The following ZC3HC1 variants were observed in gnomAD, a reference collection of about 807,000 sequenced individuals.
ZC3HC1 encodes the protein zinc finger C3HC-type protein 1.
A neutral mutation model predicts 61.9 loss-of-function variants in ZC3HC1; 38 were observed. That is an observed-to-expected ratio of 0.61 (90% CI 0.47 to 0.81). The LOEUF is 0.81. Ranked by LOEUF, ZC3HC1 falls within the 30% of genes least tolerant of loss-of-function variation. The pLI, the probability that ZC3HC1 is intolerant of heterozygous loss-of-function variation, is 0.00. For missense variants in ZC3HC1, 554 were observed against 622.7 expected (o/e 0.89, Z 1.17); for synonymous variants, 213 against 229.9 (o/e 0.93, Z 0.67).
chr7:130,036,551 GAC>G (rs1343254862), intron 4 of ZC3HC1: 1 of 151,910 alleles, frequency 6.6e-6, no homozygotes, highest in African/African-American at 2.4e-5. Context: ...GACAGAGTGA[GAC>G]TCCATCTCAA....
chr7:130,020,932 G>A (rs896860388), intron 9 of ZC3HC1, among the ~76,000 whole-genome samples: 2 of 151,562 alleles, frequency 1.3e-5, no homozygotes, highest in Non-Finnish European at 1.5e-5. Context: ...TTGAGACAGC[G>A]TCTCTCTCTG....
chr7:130,049,839 A>C (rs1002187187), intron 1 of ZC3HC1, among the ~76,000 whole-genome samples: 7 of 151,068 alleles, frequency 4.6e-5, no homozygotes, highest in African/African-American at 1.7e-4. Flanking sequence ...CGTGAGCCAC[A>C]GCGCCTGGCA....
chr7:130,023,511 C>T lies in ZC3HC1; in HGVS notation c.1233G>A (p.Ser411=), dbSNP rs760152931. Residue 411 remains serine, a splice_region_variant and synonymous_variant, in exon 8 of 10, where the codon TCG becomes TCA. Coordinates refer to ENST00000358303, the MANE Select transcript of ZC3HC1 (RefSeq NM_016478.5). This position sits in a 1 kb window ranked among gnomAD's most constrained non-coding sequence, Gnocchi z 4.2. ...ACTGCTACATGCGAGGTGGACTCAC[C>T]GAACTGCTGGAGGAGCAGAGGCGAG... is the stretch of plus-strand genomic sequence containing the variant. ...KRARLCSSSS[S]DTSSRSFFDP... 1.5e-5 allele frequency: 24 copies of T among 1,613,764 alleles called. No homozygotes were observed. The highest frequency in any genetic ancestry group is 1.0e-4 in the Admixed American group (6 of 59,984).
At chr7:130,051,380 C>A, upstream of ZC3HC1, 1 of 1,612,256 alleles carries the variant, frequency 6.2e-7, no homozygotes, top group Middle Eastern at 1.7e-4. Context: ...GGTCCGCTGC[C>A]GAGTTGCTTC....
chr7:130,040,946 CT>C lies in ZC3HC1; in HGVS notation c.409+4del. 1 of 1,609,076 alleles carries C rather than the reference CT, an allele frequency of 6.2e-7. No individual in the cohort carries two copies. Among genetic ancestry groups the C allele is most frequent in the Non-Finnish European group, 8.5e-7 (1 of 1,178,344 alleles). On this transcript the variant is annotated splice_donor_region_variant and intron_variant, in intron 3 of 9. Coordinates refer to ENST00000358303, the MANE Select transcript of ZC3HC1 (RefSeq NM_016478.5). ...AGAAAAATGTAATTTGTACCTTATA[CT>C]TACATCTGTCAAAGTCAAAAGCTGG...
In ZC3HC1 at chr7:130,051,223, G is replaced by A; in HGVS notation, c.144C>T (p.Asp48=). 2 of 1,605,618 alleles carry A rather than the reference G, an allele frequency of 1.2e-6. No homozygotes were observed. The highest frequency in any genetic ancestry group is 2.3e-5 in the East Asian group (1 of 44,150). ...EGIAPEEGGV[D]AKDTSATSQS... is the part of the protein sequence containing the mutation. The stretch of plus-strand genomic sequence containing the variant: ...CCAGGGTTAACTCGTGAACTCACGC[G>A]TCCACGCCTCCCTCTTCCGGGGCAA... Residue 48 remains aspartate, a splice_region_variant and synonymous_variant, in exon 1 of 10, where the codon GAC becomes GAT. Coordinates refer to ENST00000358303, the MANE Select transcript of ZC3HC1 (RefSeq NM_016478.5).
intron 4 of ZC3HC1, among the ~76,000 whole-genome samples, chr7:130,033,635 A>G (rs145032083): frequency 0.016 from 2,365 of 151,828 alleles, 33 homozygotes; most frequent in Middle Eastern, 0.024. Context: ...TGTATTTGCA[A>G]TAGAGATGGG....
intron 9 of ZC3HC1, 28 bp from the exon 10 acceptor site, chr7:130,018,760 G>T (rs750857213): frequency 1.3e-6 from 2 of 1,577,872 alleles, no homozygotes; most frequent in Non-Finnish European, 1.7e-6. Flanking sequence ...TATTATTAGT[G>T]ATTACGTTCT....
In ZC3HC1 at chr7:130,023,806, CT is replaced by C. The variant is rs544479881; in HGVS notation, c.1021-84del. On this transcript the variant is annotated intron_variant, in intron 7 of 9. Transcript: ENST00000358303. This position sits in a 1 kb window ranked among gnomAD's most constrained non-coding sequence, Gnocchi z 4.2. The stretch of plus-strand genomic sequence containing the variant: ...AATACTTCTTTCTTTAATCTTTTTT[CT>C]TTTTTTTTTTGAGACAGAGTCTCGC... 34,664 of 907,564 alleles carry C rather than the reference CT, an allele frequency of 0.038. No homozygotes were observed. The highest frequency in any genetic ancestry group is 0.056 in the South Asian group (2,267 of 40,368). 56.2% of individuals were successfully genotyped at this position (907,564 alleles called of 1,614,324 possible).
At chr7:130,049,308 G>A (rs1333399991) in intron 1 of ZC3HC1, among the ~76,000 whole-genome samples, 164 bp from the exon 2 acceptor site, 1 of 152,026 alleles carries the variant, frequency 6.6e-6, no homozygotes, top group African/African-American at 2.4e-5. Context: ...TATTTTCAAT[G>A]GTTTTATAAT....
Position 130,023,576 on chromosome 7 carries a change from G to A in ZC3HC1, c.1168C>T (p.Leu390=), listed in dbSNP as rs1793744839. The A allele has an allele frequency of 6.2e-7, 1 of 1,614,164 alleles. No individual in the cohort carries two copies. The highest frequency in any genetic ancestry group is 8.5e-7 in the Non-Finnish European group (1 of 1,180,036). ...CGCAGAGGGCTAGATGGTACCTCCA[G>A]GCCAGGGGTGTCTCCTGTTCCCATG... The part of the protein sequence containing the change: ...RSMGTGDTPG[L]EVPSSPLRKA... The change falls in exon 8 of 10, where the codon CTG becomes TTG. Residue 390 remains leucine (L), a synonymous_variant. Coordinates refer to ENST00000358303, the MANE Select transcript of ZC3HC1 (RefSeq NM_016478.5). This position sits in a 1 kb window ranked among gnomAD's most constrained non-coding sequence, Gnocchi z 4.2.
chr7:130,042,865 T>G (rs1355856463), intron 2 of ZC3HC1, among the ~76,000 whole-genome samples: 1 of 152,136 alleles, frequency 6.6e-6, no homozygotes, highest in African/African-American at 2.4e-5. Context: ...GTAATTTTAA[T>G]AGAGAAGGGG....
rs1379185225 is a variant in ZC3HC1, at chr7:130,024,526, A to G, written c.777-20T>C. On this transcript the variant is annotated intron_variant, in intron 6 of 9. Coordinates refer to ENST00000358303, the MANE Select transcript of ZC3HC1 (RefSeq NM_016478.5). ...GAGGAACTAGATAGGAATGAAAAAG[A>G]GAGTTTTCTCAAAGTGTAACATTTC... The G allele has an allele frequency of 1.9e-6, 3 of 1,588,496 alleles. No individual in the cohort carries two copies. The highest frequency in any genetic ancestry group is 1.1e-5 in the South Asian group (1 of 88,794).
intron 4 of ZC3HC1, among the ~76,000 whole-genome samples, chr7:130,035,396 A>C (rs1487055177): frequency 2.0e-5 from 3 of 151,762 alleles, no homozygotes; most frequent in Non-Finnish European, 4.4e-5. Flanking sequence ...TCTCAAAAAA[A>C]AAAAAAAAAA....
intron 2 of ZC3HC1, chr7:130,043,913 A>G (rs1451852923): frequency 2.2e-6 from 1 of 451,606 alleles, no homozygotes; most frequent in Non-Finnish European, 4.4e-6. Flanking sequence ...ATTATGTTTC[A>G]CAGTGTTGAA....
At chr7:130,034,723 G>C (rs1023761278) in intron 4 of ZC3HC1, among the ~76,000 whole-genome samples, 3 of 151,974 alleles carry the variant, frequency 2.0e-5, no homozygotes, top group African/African-American at 7.3e-5. Flanking sequence ...ACTCCTGGCC[G>C]CAAGTGATCC....
intron 3 of ZC3HC1, among the ~76,000 whole-genome samples, chr7:130,040,085 TC>T (rs780205231): frequency 1.3e-5 from 2 of 150,422 alleles, no homozygotes; most frequent in Non-Finnish European, 2.9e-5. Context: ...TTGTCACTCT[TC>T]GTCTAGAAGT....
In ZC3HC1 at chr7:130,032,886, G is replaced by C. The variant is rs1794279991; in HGVS notation, c.494-3857C>G. On this transcript the variant is annotated intron_variant, in intron 4 of 9. Transcript: ENST00000358303. ...GGAGGAAGGGAGGGATGGACTACCT[G>C]ATAGAAGAAATAATACTTACAAATA... 6.6e-5 allele frequency among the ~76,000 whole-genome samples: 10 copies of C among 152,134 alleles called. No individual in the cohort carries two copies. In the South Asian group the frequency reaches 2.1e-3, roughly 32 times the overall value.
intron 2 of ZC3HC1, among the ~76,000 whole-genome samples, chr7:130,046,731 C>T (rs1206373535): frequency 2.0e-5 from 3 of 152,144 alleles, no homozygotes; most frequent in South Asian, 2.1e-4. Context: ...AATGTCTCTT[C>T]GTGAAACATG....
Sources: gnomAD v4.1 joint callset for allele counts (sites outside exome capture counted in the v4.1 genomes callset) on GRCh38, gnomAD v4.1.1 for gene constraint, Gnocchi (gnomAD v3.1) non-coding constraint, MANE v1.5 for transcripts, NCBI Gene and HGNC (gene_info 2026-07-23, HGNC 2026-07-21) for gene names.